Variants in MARCHF1 observed in about 807,000 individuals in gnomAD.
MARCHF1 encodes the protein E3 ubiquitin-protein ligase MARCHF1.
MARCHF1 carries 40 observed loss-of-function variants against 54.2 expected under a neutral mutation model. The observed-to-expected ratio is 0.74, with a 90% CI of 0.57 to 0.96. The LOEUF is 0.96. Ranked by LOEUF, MARCHF1 falls within the 40% of genes least tolerant of loss-of-function variation. The pLI is 0.00. For synonymous variants in MARCHF1, 236 were observed against 236.3 expected (o/e 1.00, Z 0.01); for missense variants, 586 against 656.5 (o/e 0.89, Z 1.17).
intron 2 of MARCHF1, among the ~76,000 whole-genome samples, chr4:164,098,491 G>T (rs1194353904): frequency 1.3e-5 from 2 of 152,184 alleles, no homozygotes; most frequent in Non-Finnish European, 2.9e-5. Context: ...TTCTACTCTA[G>T]TTGAGTTCAT....
intron 1 of MARCHF1, among the ~76,000 whole-genome samples, chr4:164,240,270 C>G (rs1208323567): frequency 2.0e-5 from 3 of 152,184 alleles, no homozygotes; most frequent in Non-Finnish European, 4.4e-5. Context: ...AACAAACAAT[C>G]CATTAGAGGT....
chr4:163,745,675 A>G (rs902032310), intron 4 of MARCHF1, among the ~76,000 whole-genome samples: 4 of 152,156 alleles, frequency 2.6e-5, no homozygotes, highest in Admixed American at 6.5e-5. Context: ...ATCCAACAAC[A>G]TGCCATGAGA....
intron 3 of MARCHF1, among the ~76,000 whole-genome samples, chr4:163,935,507 G>A (rs565080494): frequency 2.0e-5 from 3 of 152,136 alleles, no homozygotes; most frequent in African/African-American, 4.8e-5. Context: ...TCCTTAAACC[G>A]CATAAACCAG....
chr4:163,898,362 A>C (rs1032469662), intron 3 of MARCHF1, among the ~76,000 whole-genome samples: 1 of 152,122 alleles, frequency 6.6e-6, no homozygotes, highest in African/African-American at 2.4e-5. Context: ...ACCACTAAAA[A>C]CTGGGCAAAT....
chr4:164,307,811 T>C (rs1415605965), intron 1 of MARCHF1, among the ~76,000 whole-genome samples: 1 of 152,208 alleles, frequency 6.6e-6, no homozygotes, highest in African/African-American at 2.4e-5. Context: ...TAATGCAAGT[T>C]GTACAATGTA....
intron 4 of MARCHF1, among the ~76,000 whole-genome samples, chr4:163,771,214 T>C (rs1407326243): frequency 1.3e-5 from 2 of 152,210 alleles, no homozygotes; most frequent in African/African-American, 4.8e-5. Flanking sequence ...GGCAGTGCTA[T>C]TGGCATCTAG....
chr4:163,792,264 A>C (rs560110389), intron 4 of MARCHF1, among the ~76,000 whole-genome samples: 1 of 152,310 alleles, frequency 6.6e-6, no homozygotes, highest in East Asian at 1.9e-4. Flanking sequence ...AAATCCCAAT[A>C]GCAAAATATA....
intron 1 of MARCHF1, among the ~76,000 whole-genome samples, chr4:164,246,781 T>C (rs979312306): frequency 1.6e-5 from 2 of 121,576 alleles, no homozygotes; most frequent in Non-Finnish European, 3.4e-5. Flanking sequence ...AACAACCCCA[T>C]CAAAAAGTGG....
chr4:163,775,527 T>C (rs1747280784), intron 4 of MARCHF1, among the ~76,000 whole-genome samples: 1 of 152,112 alleles, frequency 6.6e-6, no homozygotes, highest in Non-Finnish European at 1.5e-5. Flanking sequence ...AGAATATGCA[T>C]TGTGCGACTG....
intron 2 of MARCHF1, among the ~76,000 whole-genome samples, chr4:164,008,085 G>A (rs535096194): frequency 1.3e-5 from 2 of 152,024 alleles, no homozygotes; most frequent in Non-Finnish European, 2.9e-5. Flanking sequence ...TTTCATTCAG[G>A]AAACACACTT....
At chr4:164,242,909 G>A (rs1249048680) in intron 1 of MARCHF1, among the ~76,000 whole-genome samples, 3 of 144,554 alleles carry the variant, frequency 2.1e-5, no homozygotes, top group East Asian at 2.0e-4. Flanking sequence ...GAAATGAAGC[G>A]AGAAGGGAAG....
At chr4:163,756,920 T>A (rs1430300196) in intron 4 of MARCHF1, among the ~76,000 whole-genome samples, 2 of 151,782 alleles carry the variant, frequency 1.3e-5, no homozygotes, top group Non-Finnish European at 2.9e-5. Context: ...AATGGATATA[T>A]TTTTTCAAAA....
At chr4:164,010,340 G>T (rs978022731) in intron 2 of MARCHF1, among the ~76,000 whole-genome samples, 1 of 150,700 alleles carries the variant, frequency 6.6e-6, no homozygotes, top group Non-Finnish European at 1.5e-5. Flanking sequence ...CTCGTGATCT[G>T]CCAGCCTCGG....
chr4:164,382,142 C>T, intron 1 of MARCHF1, among the ~76,000 whole-genome samples: 1 of 152,284 alleles, frequency 6.6e-6, no homozygotes, highest in Admixed American at 6.5e-5. Flanking sequence ...TTTAGTAAAG[C>T]CTCCCTGTAT....
chr4:164,142,507 C>T (rs1055087924), intron 1 of MARCHF1, among the ~76,000 whole-genome samples: 2 of 152,208 alleles, frequency 1.3e-5, no homozygotes, highest in East Asian at 1.9e-4. Flanking sequence ...CAAGTGGGTC[C>T]CTGACCCCTG....
intron 4 of MARCHF1, among the ~76,000 whole-genome samples, chr4:163,703,556 T>A (rs1579210201): frequency 6.6e-6 from 1 of 152,264 alleles, no homozygotes; most frequent in Non-Finnish European, 1.5e-5. Context: ...AAAAATAAGC[T>A]GTCTCAGAAT....
At chr4:164,061,675 G>A (rs1442270836) in intron 2 of MARCHF1, among the ~76,000 whole-genome samples, 3 of 149,816 alleles carry the variant, frequency 2.0e-5, no homozygotes, top group African/African-American at 7.4e-5. Flanking sequence ...AAAACTTAAA[G>A]TATAATAATA....
In MARCHF1 at chr4:163,793,241, T is replaced by G. The variant is rs28680875; in HGVS notation, c.111+60780A>C. On this transcript the variant is annotated intron_variant, in intron 4 of 9. Coordinates refer to ENST00000514618, the MANE Select transcript of MARCHF1 (RefSeq NM_001394959.1). The stretch of plus-strand genomic sequence containing the variant: ...ATGCAAATATCATCCTACTATTCTC[T>G]CTAGTTAGGTAGTAACAGGAATATG... Among the ~76,000 whole-genome samples, 870 of 152,330 alleles carry G rather than the reference T, an allele frequency of 5.7e-3. 11 individuals carry two copies. The highest frequency in any genetic ancestry group is 0.02 in the African/African-American group (821 of 41,578).
intron 3 of MARCHF1, among the ~76,000 whole-genome samples, chr4:163,912,474 T>A (rs1751214690): frequency 6.6e-6 from 1 of 152,170 alleles, no homozygotes. Context: ...TGAGATTGCC[T>A]TTAAAAACAG....
Sources: allele counts gnomAD v4.1 joint callset (sites outside exome capture counted in the v4.1 genomes callset), GRCh38; gene constraint gnomAD v4.1.1; transcripts MANE v1.5; gene names NCBI Gene and HGNC (gene_info 2026-07-23, HGNC 2026-07-21).